The following DIP2C variants were observed in gnomAD, a reference collection of about 807,000 sequenced individuals.
DIP2C encodes DIP2 acetate--CoA ligase C (putative).
In DIP2C, 33 loss-of-function variants were observed where a neutral mutation model predicts 192.4. That is an observed-to-expected ratio of 0.17 (90% CI 0.13 to 0.23). The LOEUF (loss-of-function observed/expected upper bound fraction) is 0.23, where lower values mean the gene tolerates loss of function less well. Among genes scored for constraint, DIP2C ranks in the 10% least tolerant of loss-of-function variants. DIP2C has a pLI of 1.00. For synonymous variants in DIP2C, 979 were observed against 864.1 expected, an observed-to-expected ratio of 1.13 and a Z score of -2.33; for missense variants, 1,537 against 2,110.1, an observed-to-expected ratio of 0.73 and a Z score of 5.32.
chr10:634,357 T>A (rs554937699), intron 1 of DIP2C, among the ~76,000 whole-genome samples: 1 of 152,314 alleles, frequency 6.6e-6, no homozygotes, highest in South Asian at 2.1e-4. Flanking sequence ...TACACTAAAC[T>A]ACTTGTCCAG....
At chr10:612,382 T>A (rs1853155150) in intron 1 of DIP2C, among the ~76,000 whole-genome samples, 1 of 152,238 alleles carries the variant, frequency 6.6e-6, no homozygotes, top group South Asian at 2.1e-4. Flanking sequence ...AGCATGTGTT[T>A]ACATTTCAAT....
intron 1 of DIP2C, among the ~76,000 whole-genome samples, chr10:495,463 G>A (rs1393103230): frequency 6.6e-6 from 1 of 151,890 alleles, no homozygotes; most frequent in African/African-American, 2.4e-5. Context: ...TGAAGGGGCA[G>A]GAAAAAAACC....
chr10:366,264 C>T lies in DIP2C; in HGVS notation c.2268+11G>A, dbSNP rs1212901095. Reference sequence around the variant, plus strand: ...CAGATGGTGCCCATGGTAAGACTCTCCTCCACCTACCTCAAAGGTGTTCTT... The same window carrying T: ...CAGATGGTGCCCATGGTAAGACTCTTCTCCACCTACCTCAAAGGTGTTCTT... On this transcript the variant is annotated intron_variant, in intron 19 of 36. Coordinates refer to ENST00000280886, the MANE Select transcript of DIP2C (RefSeq NM_014974.3). The T allele has an allele frequency of 2.5e-6, 4 of 1,611,554 alleles. No homozygotes were observed. Among genetic ancestry groups the T allele is most frequent in the African/African-American group, 1.3e-5 (1 of 74,902 alleles).
chr10:291,711 T>C (rs1023639457), intron 32 of DIP2C, among the ~76,000 whole-genome samples: 4 of 152,202 alleles, frequency 2.6e-5, no homozygotes, highest in Non-Finnish European at 5.9e-5. Flanking sequence ...CTGGGGATCA[T>C]ATGCAGACAT....
At position 345,110 on chromosome 10, in the gene DIP2C, C is replaced by T. The variant is rs1958371192; in HGVS notation, c.3232G>A (p.Val1078Met). The change falls in exon 27 of 37, where the codon GTG becomes ATG. Residue 1078 changes from valine to methionine, a missense_variant and splice_region_variant. Physicochemically the swap from Val to Met is conservative, Grantham distance 21. Around this residue, in one of 4 missense-constraint regions of DIP2C, gnomAD observed 677 missense variants for 989.9 expected, o/e 0.68. Coordinates refer to ENST00000280886, the MANE Select transcript of DIP2C (RefSeq NM_014974.3). ...GTCATCAGACAGGCAGAGCGACTCA[C>T]CTGGCATCAGAGAGCGAGAATGGAG... ...TLPTVKMIVE[V>M]SRSACLMTTQ... 1 of 1,610,760 alleles carries T rather than the reference C, an allele frequency of 6.2e-7. No homozygotes were observed. The highest frequency in any genetic ancestry group is 8.5e-7 in the Non-Finnish European group (1 of 1,179,456).
intron 1 of DIP2C, among the ~76,000 whole-genome samples, chr10:498,685 T>C (rs1002532169): frequency 5.3e-5 from 8 of 152,144 alleles, no homozygotes; most frequent in Non-Finnish European, 1.0e-4. Flanking sequence ...ACCTCAAGAC[T>C]CTGGGCTCAA....
At chr10:658,346 T>C (rs560159235) in intron 1 of DIP2C, among the ~76,000 whole-genome samples, 16 of 152,078 alleles carry the variant, frequency 1.1e-4, no homozygotes, top group African/African-American at 3.9e-4. Flanking sequence ...GACCTGCCCC[T>C]GGACCTGCCC....
At chr10:522,817 T>C (rs1846795516) in intron 1 of DIP2C, among the ~76,000 whole-genome samples, 1 of 152,258 alleles carries the variant, frequency 6.6e-6, no homozygotes, top group Admixed American at 6.5e-5. Context: ...GTTCTCCCCG[T>C]CTGCGTGGCC....
intron 32 of DIP2C, among the ~76,000 whole-genome samples, chr10:293,158 C>CT (rs1422994209): frequency 2.0e-5 from 3 of 152,246 alleles, no homozygotes; most frequent in Non-Finnish European, 2.9e-5. Context: ...CCCACCCTGC[C>CT]TGCCCACACC....
chr10:401,032 A>G (rs1267098822), intron 9 of DIP2C, among the ~76,000 whole-genome samples: 8 of 127,228 alleles, frequency 6.3e-5, no homozygotes, highest in Admixed American at 5.4e-4. Context: ...CACGTGTGGT[A>G]GCATTAGCAT....
chr10:575,398 C>T (rs12245224), intron 1 of DIP2C, among the ~76,000 whole-genome samples: 8,281 of 152,166 alleles, frequency 0.054, 279 homozygotes, highest in Admixed American at 0.081. Flanking sequence ...CTGCCATACA[C>T]GAGGGGAGCA....
chr10:346,713 T>A (rs1241072790), intron 26 of DIP2C, among the ~76,000 whole-genome samples: 1 of 137,962 alleles, frequency 7.2e-6, no homozygotes, highest in Non-Finnish European at 1.5e-5. Flanking sequence ...CCGCGCATAG[T>A]TCTCCCGGAA....
chr10:358,033 T>C (rs1186715669), intron 22 of DIP2C, 96 bp from the exon 23 acceptor site: 4 of 832,778 alleles, frequency 4.8e-6, no homozygotes, highest in Non-Finnish European at 7.6e-6. Context: ...CTCGGAAAAC[T>C]TCTGGAAAGA....
At chr10:514,468 C>T (rs553342683) in intron 1 of DIP2C, among the ~76,000 whole-genome samples, 2 of 152,190 alleles carry the variant, frequency 1.3e-5, no homozygotes, top group Non-Finnish European at 2.9e-5. Context: ...TGCAACCCTG[C>T]AGGGCCGTTC....
chr10:642,004 C>T lies in DIP2C; in HGVS notation c.85+47490G>A, dbSNP rs553483868. Among the ~76,000 whole-genome samples the T allele has an allele frequency of 1.2e-4, 18 of 152,270 alleles. No individual in the cohort carries two copies. The East Asian group carries it at 2.9e-3, about 24-fold the overall frequency. Reference sequence around the variant, plus strand: ...CACCACTGCACTCCAGCCTGGGCAACAGGGCGAGACCCTGTATCAAAAAAA... The same window carrying T: ...CACCACTGCACTCCAGCCTGGGCAATAGGGCGAGACCCTGTATCAAAAAAA... On this transcript the variant is annotated intron_variant, in intron 1 of 36. Coordinates refer to ENST00000280886, the MANE Select transcript of DIP2C (RefSeq NM_014974.3).
At chr10:442,352 C>A (rs151322092) in intron 3 of DIP2C, among the ~76,000 whole-genome samples, 3 of 151,988 alleles carry the variant, frequency 2.0e-5, no homozygotes, top group African/African-American at 7.3e-5. Context: ...AGCCTTTGTG[C>A]GTACTTCTCT....
intron 17 of DIP2C, among the ~76,000 whole-genome samples, chr10:375,866 G>A (rs1961512815): frequency 3.8e-4 from 1 of 2,656 alleles, no homozygotes; most frequent in East Asian, 0.011. Context: ...AGTCAACAAG[G>A]TCTTTCATTT....
At chr10:342,107 G>A (rs191752518) in intron 28 of DIP2C, among the ~76,000 whole-genome samples, 87 of 152,184 alleles carry the variant, frequency 5.7e-4, no homozygotes, top group Middle Eastern at 3.4e-3. Context: ...TATTGAAATA[G>A]TGCGTTTGAA....
chr10:435,195 C>CA (rs1325851988), intron 4 of DIP2C, among the ~76,000 whole-genome samples: 1 of 152,132 alleles, frequency 6.6e-6, no homozygotes, highest in Non-Finnish European at 1.5e-5. Flanking sequence ...CTTTGCTTTT[C>CA]AGTTCTGGAG....
Sources: allele counts gnomAD v4.1 joint callset (sites outside exome capture counted in the v4.1 genomes callset), GRCh38; gene constraint gnomAD v4.1.1; regional missense constraint gnomAD v4.1.1; transcripts MANE v1.5; gene names NCBI Gene and HGNC (gene_info 2026-07-23, HGNC 2026-07-21).